TMEM135: variants seen among roughly 807,000 people sequenced by gnomAD.
The protein encoded by TMEM135 is peroxisomal membrane protein 52.
Under a neutral mutation model 60.3 loss-of-function variants are expected in TMEM135, and 30 were observed. That is an observed-to-expected ratio of 0.50 (90% CI 0.37 to 0.68). TMEM135 has a LOEUF of 0.68. Among genes scored for constraint, TMEM135 ranks in the 30% least tolerant of loss-of-function variants. The probability of loss-of-function intolerance (pLI) is 0.00; values close to 1 mark genes in which losing one functional copy is unlikely to be tolerated. For synonymous variants in TMEM135, 190 were observed against 186.7 expected (o/e 1.02, Z -0.14); for missense variants, 468 against 548.8 (o/e 0.85, Z 1.47).
chr11:87,245,771 G>A (rs11518777), intron 6 of TMEM135, among the ~76,000 whole-genome samples: 40,077 of 80,710 alleles, frequency 0.5, 11,834 homozygotes, highest in Non-Finnish European at 0.59. Context: ...GGTTTCCTGA[G>A]TACAGCACAC....
At chr11:87,101,866 G>A (rs201152113) in intron 4 of TMEM135, among the ~76,000 whole-genome samples, 3 of 152,188 alleles carry the variant, frequency 2.0e-5, no homozygotes, top group East Asian at 1.9e-4. Context: ...CCAGCTACTC[G>A]GGAGACTGAG....
intron 5 of TMEM135, among the ~76,000 whole-genome samples, chr11:87,225,619 T>C (rs1311695458): frequency 6.6e-6 from 1 of 152,034 alleles, no homozygotes; most frequent in Non-Finnish European, 1.5e-5. Flanking sequence ...GGATAGTTAG[T>C]GAAGGCAAAT....
At chr11:87,249,970 A>T (rs1161523221) in intron 6 of TMEM135, among the ~76,000 whole-genome samples, 1 of 152,084 alleles carries the variant, frequency 6.6e-6, no homozygotes, top group African/African-American at 2.4e-5. Context: ...TTACAGCTTC[A>T]ATCTCATCCT....
At chr11:87,184,060 A>G (rs150060749) in intron 5 of TMEM135, among the ~76,000 whole-genome samples, 60 of 152,024 alleles carry the variant, frequency 3.9e-4, no homozygotes, top group African/African-American at 1.3e-3. Context: ...AAATTTTGCA[A>G]TATATTTTTC....
At chr11:87,169,850 C>G (rs1477097001) in intron 5 of TMEM135, among the ~76,000 whole-genome samples, 3 of 152,096 alleles carry the variant, frequency 2.0e-5, no homozygotes, top group East Asian at 3.9e-4. Flanking sequence ...GTTGGCCTGT[C>G]TTGCTAAGTT....
At chr11:87,067,581 G>T in intron 1 of TMEM135, 113 bp from the exon 2 acceptor site, 2 of 1,398,180 alleles carry the variant, frequency 1.4e-6, no homozygotes, top group South Asian at 2.5e-5. Context: ...TGAAATGCCA[G>T]CATTTTTACT....
intron 4 of TMEM135, among the ~76,000 whole-genome samples, chr11:87,111,889 C>T (rs985211698): frequency 2.6e-5 from 4 of 151,998 alleles, no homozygotes; most frequent in Non-Finnish European, 4.4e-5. Context: ...TATGACTTCT[C>T]TAAACTCAGA....
intron 2 of TMEM135, among the ~76,000 whole-genome samples, chr11:87,071,309 G>C (rs1015881387): frequency 9.9e-5 from 15 of 152,258 alleles, no homozygotes; most frequent in African/African-American, 3.6e-4. Flanking sequence ...GTGGATAGGT[G>C]GTTGTTGATG....
intron 6 of TMEM135, among the ~76,000 whole-genome samples, chr11:87,263,172 A>C (rs552593832): frequency 6.6e-6 from 1 of 152,174 alleles, no homozygotes; most frequent in African/African-American, 2.4e-5. Flanking sequence ...TATTTGGAGT[A>C]GTGTTTTATT....
intron 6 of TMEM135, among the ~76,000 whole-genome samples, chr11:87,285,885 C>T (rs555186732): frequency 1.3e-5 from 2 of 152,200 alleles, no homozygotes; most frequent in African/African-American, 4.8e-5. Context: ...CTGATTGGTC[C>T]GTTTTGACAG....
At chr11:87,207,076 T>C (rs1354354148) in intron 5 of TMEM135, among the ~76,000 whole-genome samples, 1 of 152,154 alleles carries the variant, frequency 6.6e-6, no homozygotes, top group Non-Finnish European at 1.5e-5. Flanking sequence ...TAATCAGATA[T>C]TTTTCTGATT....
intron 8 of TMEM135, among the ~76,000 whole-genome samples, chr11:87,304,214 T>A (rs189177668): frequency 2.0e-5 from 3 of 152,072 alleles, no homozygotes; most frequent in East Asian, 1.9e-4. Context: ...CTAAAAAAAA[T>A]TTAAAAATTA....
intron 12 of TMEM135, among the ~76,000 whole-genome samples, chr11:87,314,828 C>T (rs1358865756): frequency 6.6e-6 from 1 of 151,722 alleles, no homozygotes. Flanking sequence ...TCCTCAACCC[C>T]ACAGGTATCG....
At chr11:87,083,623 G>A (rs1857033850) in intron 3 of TMEM135, among the ~76,000 whole-genome samples, 1 of 152,132 alleles carries the variant, frequency 6.6e-6, no homozygotes, top group South Asian at 2.1e-4. Flanking sequence ...TGGTCTGTAA[G>A]TTCTTGGTAT....
intron 1 of TMEM135, among the ~76,000 whole-genome samples, chr11:87,058,417 T>A (rs1427537609): frequency 1.3e-5 from 2 of 150,970 alleles, no homozygotes; most frequent in Non-Finnish European, 3.0e-5. Flanking sequence ...GCAACCTCTG[T>A]CTCCTGGGTT....
intron 5 of TMEM135, among the ~76,000 whole-genome samples, chr11:87,218,690 G>A (rs1026078304): frequency 3.9e-5 from 6 of 152,104 alleles, no homozygotes; most frequent in East Asian, 1.9e-4. Context: ...GGCTGGGCGC[G>A]GTGGCTCATG....
At chr11:87,274,994 CT>C (rs1271834447) in intron 6 of TMEM135, among the ~76,000 whole-genome samples, 21 of 151,132 alleles carry the variant, frequency 1.4e-4, no homozygotes, top group Admixed American at 1.3e-3. Flanking sequence ...TAAATTTTAA[CT>C]TCTTTTTTTG....
intron 3 of TMEM135, among the ~76,000 whole-genome samples, chr11:87,084,549 G>T (rs1016967219): frequency 2.0e-5 from 3 of 151,996 alleles, no homozygotes; most frequent in Non-Finnish European, 4.4e-5. Flanking sequence ...CTCCTATCTT[G>T]GCCTCACAAA....
At chr11:87,303,812 A>G (rs1942488654) in intron 8 of TMEM135, among the ~76,000 whole-genome samples, 1 of 152,212 alleles carries the variant, frequency 6.6e-6, no homozygotes, top group South Asian at 2.1e-4. Context: ...ATTAATGGAA[A>G]TAATTTCAAC....
Sources: allele counts gnomAD v4.1 joint callset (sites outside exome capture counted in the v4.1 genomes callset), GRCh38; gene constraint gnomAD v4.1.1; transcripts MANE v1.5; gene names NCBI Gene and HGNC (gene_info 2026-07-23, HGNC 2026-07-21).